The following SMOC2 variants were observed in gnomAD, a reference collection of about 807,000 sequenced individuals.
The protein encoded by SMOC2 is SPARC related modular calcium binding 2, also known as SPARC-related modular calcium-binding protein 2.
SMOC2 carries 39 observed loss-of-function variants against 61.4 expected under a neutral mutation model. The ratio of observed to expected loss-of-function variants is 0.64; its 90% CI spans 0.49 to 0.83. SMOC2 has a LOEUF of 0.83. SMOC2 is among the 40% of genes least tolerant of loss of function. The pLI, the probability that SMOC2 is intolerant of heterozygous loss-of-function variation, is 0.00. For missense variants in SMOC2, 556 were observed against 592.9 expected, an observed-to-expected ratio of 0.94 and a Z score of 0.65; for synonymous variants, 247 against 239.9, an observed-to-expected ratio of 1.03 and a Z score of -0.27.
At chr6:168,584,290 C>T (rs1020446013) in intron 7 of SMOC2, among the ~76,000 whole-genome samples, 10 of 152,312 alleles carry the variant, frequency 6.6e-5, no homozygotes, top group East Asian at 1.9e-4. Flanking sequence ...TGAGTTCTTC[C>T]GACGTGGGAC....
chr6:168,663,226 G>T (rs367748537), intron 11 of SMOC2, among the ~76,000 whole-genome samples: 1 of 152,312 alleles, frequency 6.6e-6, no homozygotes, highest in South Asian at 2.1e-4. Flanking sequence ...TGCAAGCGTG[G>T]AAGCTGAGCT....
intron 1 of SMOC2, among the ~76,000 whole-genome samples, chr6:168,490,056 C>G (rs906834491): frequency 2.6e-5 from 4 of 151,790 alleles, no homozygotes; most frequent in Non-Finnish European, 4.4e-5. Flanking sequence ...TCTGGTTCCC[C>G]TTGGATCACA....
chr6:168,629,485 C>T (rs541860074), intron 9 of SMOC2, among the ~76,000 whole-genome samples: 12 of 152,340 alleles, frequency 7.9e-5, no homozygotes, highest in African/African-American at 2.6e-4. Flanking sequence ...GAGCTCTGGA[C>T]CCCAGGGATT....
intron 8 of SMOC2, 114 bp downstream of exon 8, chr6:168,599,118 ACTCACACT>A (rs1474136824): frequency 3.8e-4 from 127 of 337,546 alleles, no homozygotes; most frequent in Middle Eastern, 2.3e-3. Flanking sequence ...TCACACACAC[ACTCACACT>A]CACACACACT....
At chr6:168,556,329 C>A (rs934181461) in intron 7 of SMOC2, among the ~76,000 whole-genome samples, 1 of 152,140 alleles carries the variant, frequency 6.6e-6, no homozygotes. Flanking sequence ...ACATGGGGTG[C>A]GGGAGCAGCC....
chr6:168,652,896 G>C, intron 10 of SMOC2, 58 bp from the exon 11 acceptor site: 5 of 1,555,632 alleles, frequency 3.2e-6, no homozygotes, highest in Non-Finnish European at 4.4e-6. Context: ...AAGGACAGTG[G>C]CCAGGAAGGA....
intron 9 of SMOC2, among the ~76,000 whole-genome samples, chr6:168,612,746 G>A (rs79743844): frequency 0.046 from 6,983 of 152,206 alleles, 405 homozygotes; most frequent in Admixed American, 0.17. Flanking sequence ...GGCCCTCGGC[G>A]CGGCAATGCA....
At chr6:168,650,034 A>G (rs1414183262) in intron 9 of SMOC2, among the ~76,000 whole-genome samples, 1 of 152,086 alleles carries the variant, frequency 6.6e-6, no homozygotes, top group Non-Finnish European at 1.5e-5. Flanking sequence ...TGAGGGAAGG[A>G]TGGAGGGGAA....
chr6:168,587,434 T>C (rs1210055100), intron 7 of SMOC2, among the ~76,000 whole-genome samples: 3 of 152,208 alleles, frequency 2.0e-5, no homozygotes, highest in South Asian at 2.1e-4. Context: ...CTTGGTTTCA[T>C]GTGTGAGACA....
intron 1 of SMOC2, among the ~76,000 whole-genome samples, chr6:168,493,503 A>G (rs1378338308): frequency 2.0e-5 from 3 of 152,240 alleles, no homozygotes; most frequent in Admixed American, 6.5e-5. Context: ...TGGATGGCAA[A>G]GTAAGTGACA....
At chr6:168,603,509 T>C (rs12530061) in intron 8 of SMOC2, among the ~76,000 whole-genome samples, 59,146 of 151,814 alleles carry the variant, frequency 0.39, 11,875 homozygotes, top group Middle Eastern at 0.47. Context: ...TTTATTCATT[T>C]ACCTTTTATT....
chr6:168,566,735 A>G (rs531396548), intron 7 of SMOC2, among the ~76,000 whole-genome samples: 6 of 152,124 alleles, frequency 3.9e-5, no homozygotes, highest in African/African-American at 1.2e-4. Context: ...TCTTGACCTC[A>G]TGATCTGCCC....
intron 4 of SMOC2, among the ~76,000 whole-genome samples, chr6:168,540,552 G>GGGCAGGGAGCTAGGAGGGAGGGCCA (rs1562336542): frequency 2.0e-5 from 3 of 152,066 alleles, no homozygotes; most frequent in African/African-American, 7.3e-5. Context: ...GCCTGGCCAG[G>GGGCAGGGAGCTAGGAGGGAGGGCCA]GGCACGGAGC....
chr6:168,518,861 GTA>G (rs1783232695), intron 2 of SMOC2, among the ~76,000 whole-genome samples: 1 of 148,406 alleles, frequency 6.7e-6, no homozygotes, highest in Non-Finnish European at 1.5e-5. Context: ...GCCTCCTTGT[GTA>G]TGAATGTATT....
chr6:168,585,731 A>G, intron 7 of SMOC2, among the ~76,000 whole-genome samples: 1 of 152,200 alleles, frequency 6.6e-6, no homozygotes, highest in East Asian at 1.9e-4. Flanking sequence ...GTGATGTTTT[A>G]CCTGCATTGT....
chr6:168,530,352 A>G (rs1264596961), intron 4 of SMOC2, among the ~76,000 whole-genome samples: 1 of 152,152 alleles, frequency 6.6e-6, no homozygotes, highest in Non-Finnish European at 1.5e-5. Flanking sequence ...TTTCATAATC[A>G]TGTATTCTTA....
chr6:168,570,154 C>G lies in SMOC2; in HGVS notation c.637+20951C>G, dbSNP rs563640013. 2.9e-3 allele frequency among the ~76,000 whole-genome samples: 440 copies of G among 150,238 alleles called. 3 individuals carry two copies. Among genetic ancestry groups the G allele is most frequent in the Non-Finnish European group, 1.2e-3 (82 of 67,688 alleles). ...TGCCTCTGTGGGGGTCGGGGGAGGG[C>G]TCAGCTCTGGAACTGGGTTAAGGCT... is the stretch of plus-strand genomic sequence containing the variant. On this transcript the variant is annotated intron_variant, in intron 7 of 12. Transcript: ENST00000356284.
chr6:168,630,099 A>C (rs1385169835), intron 9 of SMOC2, among the ~76,000 whole-genome samples: 2 of 152,058 alleles, frequency 1.3e-5, no homozygotes, highest in Admixed American at 1.3e-4. Flanking sequence ...CGTCTCGTTC[A>C]TCTCCAACTC....
At chr6:168,619,813 A>T (rs1051154752) in intron 9 of SMOC2, among the ~76,000 whole-genome samples, 7 of 152,190 alleles carry the variant, frequency 4.6e-5, no homozygotes, top group Non-Finnish European at 1.0e-4. Flanking sequence ...CTGGAGTCGG[A>T]AGGTCTCCAC....
Sources: allele counts gnomAD v4.1 joint callset (sites outside exome capture counted in the v4.1 genomes callset), GRCh38; gene constraint gnomAD v4.1.1; transcripts MANE v1.5; gene names NCBI Gene and HGNC (gene_info 2026-07-23, HGNC 2026-07-21).